Variants in TRA2B observed in about 807,000 individuals in gnomAD.
The protein encoded by TRA2B is transformer-2 protein homolog beta.
Under a neutral mutation model 41.7 loss-of-function variants are expected in TRA2B, and 14 were observed. The observed-to-expected ratio is 0.34, with a 90% CI of 0.22 to 0.53. TRA2B has a LOEUF of 0.53. Ranked by LOEUF, TRA2B falls within the 20% of genes least tolerant of loss-of-function variation. The probability of loss-of-function intolerance (pLI) is 0.95; values close to 1 mark genes in which losing one functional copy is unlikely to be tolerated. For synonymous variants in TRA2B, 130 were observed against 128.8 expected, an observed-to-expected ratio of 1.01 and a Z score of -0.06; for missense variants, 167 against 396.8, an observed-to-expected ratio of 0.42 and a Z score of 4.92.
chr3:185,934,182 T>TA (rs577363083), intron 1 of TRA2B, among the ~76,000 whole-genome samples: 21 of 152,084 alleles, frequency 1.4e-4, no homozygotes, highest in Admixed American at 1.0e-3. Context: ...CATGCCTTGT[T>TA]AAAAAAACAG....
intron 7 of TRA2B, 145 bp downstream of exon 7, chr3:185,919,292 T>G: frequency 3.5e-6 from 2 of 573,656 alleles, no homozygotes; most frequent in Non-Finnish European, 6.0e-6. Flanking sequence ...CTTTATACAT[T>G]TAGTTTCCGT....
At chr3:185,925,756 G>T in intron 2 of TRA2B, 130 bp from the exon 3 acceptor site, 1 of 900,850 alleles carries the variant, frequency 1.1e-6, no homozygotes, top group Non-Finnish European at 1.5e-6. Flanking sequence ...CAATTTAGTA[G>T]GATCAATACT....
At chr3:185,935,663 C>T (rs1348385098) in intron 1 of TRA2B, 1 of 985,268 alleles carries the variant, frequency 1.0e-6, no homozygotes, top group Non-Finnish European at 1.2e-6. Flanking sequence ...TTTCTGGCTC[C>T]AGAGAAGCAT....
At position 185,923,987 on chromosome 3, in the gene TRA2B, A is replaced by G. The variant is rs1578476823; in HGVS notation, c.334-3T>C. 6.3e-7 allele frequency: 1 copy of G among 1,583,284 alleles called. No homozygotes were observed. The highest frequency in any genetic ancestry group is 2.2e-5 in the East Asian group (1 of 44,686). ...CAACAGTTAGGATCAGGATTTGCCTAGGGAAAAAAAAAAGTTTTAAACTTT... is the reference window on the plus strand; with the variant it reads ...CAACAGTTAGGATCAGGATTTGCCTGGGGAAAAAAAAAAGTTTTAAACTTT... On this transcript the variant is annotated splice_region_variant and splice_polypyrimidine_tract_variant and intron_variant, in intron 3 of 8. Transcript: ENST00000453386.
chr3:185,923,739 A>G (rs1560009808), intron 4 of TRA2B, 57 bp downstream of exon 4: 32 of 1,487,128 alleles, frequency 2.2e-5, no homozygotes, highest in Middle Eastern at 1.8e-4. Flanking sequence ...TTGGTCACTG[A>G]TAACTTGGCG....
chr3:185,921,216 T>TCC, intron 5 of TRA2B, 29 bp from the exon 6 acceptor site: 1 of 1,597,620 alleles, frequency 6.3e-7, no homozygotes, highest in Non-Finnish European at 8.6e-7. Flanking sequence ...TCAGGTGACC[T>TCC]CCCTTATCTT....
At chr3:185,930,380 A>G (rs879649929) in intron 1 of TRA2B, among the ~76,000 whole-genome samples, 2 of 151,758 alleles carry the variant, frequency 1.3e-5, no homozygotes, top group Non-Finnish European at 2.9e-5. Flanking sequence ...AAAGGAATGC[A>G]AAACTTCTTA....
At position 185,926,646 on chromosome 3, in the gene TRA2B, T is replaced by C; in HGVS notation, c.125A>G (p.Asp42Gly). The C allele has an allele frequency of 6.2e-7, 1 of 1,614,184 alleles. No homozygotes were observed. The highest frequency in any genetic ancestry group is 8.5e-7 in the Non-Finnish European group (1 of 1,180,006). ...HTPARSRSKE[D>G]SRRSRSKSRS... ...GGACTTTGATCTGGAACGCCTGGAA[T>C]CTTCCTTGGAGCGAGACCTTGCAGG... The change falls in exon 2 of 9, where the codon GAT becomes GGT. Residue 42 changes from aspartate (D) to glycine (G), a missense_variant. Transcript: ENST00000453386.
intron 1 of TRA2B, chr3:185,931,865 A>G: frequency 6.9e-7 from 1 of 1,444,540 alleles, no homozygotes; most frequent in Non-Finnish European, 9.0e-7. Flanking sequence ...TAATAGAAAA[A>G]GAACAGGATG....
At chr3:185,919,847 A>AGACTCACTTTCAGACAATGACT (rs1210795884) in intron 6 of TRA2B, among the ~76,000 whole-genome samples, 53 of 152,232 alleles carry the variant, frequency 3.5e-4, no homozygotes, top group Non-Finnish European at 7.3e-5. Context: ...ATACACTTAC[A>AGACTCACTTTCAGACAATGACT]GACTCACTTT....
chr3:185,934,722 G>C (rs62290865), intron 1 of TRA2B: 138,497 of 984,836 alleles, frequency 0.14, 10,755 homozygotes, highest in Non-Finnish European at 0.16. Context: ...TAAAACCAAG[G>C]AATATAAAAA....
intron 3 of TRA2B, 189 bp downstream of exon 3, chr3:185,925,275 G>T: frequency 2.7e-4 from 143 of 536,794 alleles, no homozygotes; most frequent in Non-Finnish European, 2.8e-4. Flanking sequence ...ATGCTTAATT[G>T]ACAGGCAGCC....
At chr3:185,925,856 A>G (rs1743927701) in intron 2 of TRA2B, among the ~76,000 whole-genome samples, 1 of 152,208 alleles carries the variant, frequency 6.6e-6, no homozygotes, top group Non-Finnish European at 1.5e-5. Context: ...CCAATTAAAG[A>G]CATATTACTT....
chr3:185,919,113 G>A (rs1232053230), intron 7 of TRA2B, among the ~76,000 whole-genome samples: 1 of 152,162 alleles, frequency 6.6e-6, no homozygotes, highest in East Asian at 1.9e-4. Context: ...ATGTTCTTGT[G>A]CTATTTGAGA....
chr3:185,925,218 G>GTTTT, intron 3 of TRA2B: 1 of 327,064 alleles, frequency 3.1e-6, no homozygotes. Flanking sequence ...GCAGTCGGAA[G>GTTTT]TTTTTTTTTT....
chr3:185,930,270 C>A (rs981777271), intron 1 of TRA2B, among the ~76,000 whole-genome samples: 5 of 152,130 alleles, frequency 3.3e-5, no homozygotes, highest in Non-Finnish European at 7.4e-5. Context: ...ATGTAATATT[C>A]ATTCACACAT....
rs1026579284 is a variant in TRA2B at position 185,916,575 on chromosome 3, T to G, written c.*1140A>C. 6.6e-6 allele frequency: 1 copy of G among 152,426 alleles called. No homozygotes were observed. Among genetic ancestry groups the G allele is most frequent in the Non-Finnish European group, 1.5e-5 (1 of 68,040 alleles). The allele number at this position is 152,426 out of a possible 1,614,324, so 9.4% of individuals were successfully genotyped here. A position where few individuals can be genotyped will look rare whatever the true frequency, so the allele number is the denominator to read the frequency against. Reference sequence around the variant, plus strand: ...TGGAGATCACTCTAATACCTAGTTATGCACTCTGAATTTTCCAGGAATACA... The same window carrying G: ...TGGAGATCACTCTAATACCTAGTTAGGCACTCTGAATTTTCCAGGAATACA... On this transcript the variant is annotated 3_prime_UTR_variant, in exon 9 of 9. Transcript: ENST00000453386.
At chr3:185,917,989 A>AT (rs2150110865) in intron 8 of TRA2B, among the ~76,000 whole-genome samples, 1 of 152,274 alleles carries the variant, frequency 6.6e-6, no homozygotes, top group East Asian at 1.9e-4. Context: ...CTGTCCAAAA[A>AT]TTTTTAAGGA....
At chr3:185,931,729 T>C (rs1440322912) in intron 1 of TRA2B, 2 of 1,450,176 alleles carry the variant, frequency 1.4e-6, no homozygotes, top group African/African-American at 2.9e-5. Flanking sequence ...TCTGGTCTGA[T>C]AATTAGCATG....
Sources: allele counts gnomAD v4.1 joint callset (sites outside exome capture counted in the v4.1 genomes callset), GRCh38; gene constraint gnomAD v4.1.1; transcripts MANE v1.5; gene names NCBI Gene and HGNC (gene_info 2026-07-23, HGNC 2026-07-21).